The following ZNF570 variants were observed in gnomAD, a reference collection of about 807,000 sequenced individuals.
The protein encoded by ZNF570 is zinc finger protein 570.
Under a neutral mutation model 14.2 loss-of-function variants are expected in ZNF570, and 8 were observed. That is an observed-to-expected ratio of 0.56 (90% confidence interval 0.33 to 1.02). ZNF570 has a LOEUF of 1.02. Ranked by LOEUF, ZNF570 falls within the 50% of genes least tolerant of loss-of-function variation. The pLI is 0.03. For missense variants in ZNF570, 559 were observed against 624.9 expected (o/e 0.89, Z 1.12); for synonymous variants, 202 against 207.6 (o/e 0.97, Z 0.23).
At chr19:37,471,925 T>C (rs970425391) in intron 2 of ZNF570, among the ~76,000 whole-genome samples, 1 of 151,410 alleles carries the variant, frequency 6.6e-6, no homozygotes, top group African/African-American at 2.4e-5. Flanking sequence ...TTTTTTTTTT[T>C]TTTTTTTGAG....
At chr19:37,476,850 C>A (rs1334347730) in intron 4 of ZNF570, among the ~76,000 whole-genome samples, 1 of 151,770 alleles carries the variant, frequency 6.6e-6, no homozygotes, top group African/African-American at 2.4e-5. Flanking sequence ...GCTGGAATTA[C>A]AGGCACATGC....
Position 37,484,915 on chromosome 19 carries a change from G to T in ZNF570, c.1293G>T (p.Gln431His). ...TCAGCCAGATTGCCTACCTTGCTCAGCATCAAAGAGTTCATACTGGAGAGA... is the reference window on the plus strand; with the variant it reads ...TCAGCCAGATTGCCTACCTTGCTCATCATCAAAGAGTTCATACTGGAGAGA... The part of the protein sequence containing the change: ...KAFSQIAYLA[Q>H]HQRVHTGEKP... The change falls in exon 5 of 5, where the codon CAG becomes CAT. Residue 431 changes from glutamine to histidine, a missense_variant. Transcript: ENST00000330173. 1 of 1,612,584 alleles carries T rather than the reference G, an allele frequency of 6.2e-7. No homozygotes were observed. Among genetic ancestry groups the T allele is most frequent in the South Asian group, 1.1e-5 (1 of 90,984 alleles).
At chr19:37,475,624 G>T (rs555356947) in intron 2 of ZNF570, among the ~76,000 whole-genome samples, 1 of 152,178 alleles carries the variant, frequency 6.6e-6, no homozygotes, top group South Asian at 2.1e-4. Flanking sequence ...GTTGAGGAGG[G>T]TGAAGAACAG....
chr19:37,474,189 G>A (rs1283284837), intron 2 of ZNF570, among the ~76,000 whole-genome samples: 1 of 151,838 alleles, frequency 6.6e-6, no homozygotes, highest in Non-Finnish European at 1.5e-5. Flanking sequence ...ATTTGTTAGG[G>A]GTCAAATATT....
chr19:37,472,405 G>A (rs920792854), intron 2 of ZNF570, among the ~76,000 whole-genome samples: 13 of 151,972 alleles, frequency 8.6e-5, no homozygotes, highest in African/African-American at 3.1e-4. Context: ...GTGGGTGGAA[G>A]TAATAGAAAG....
In ZNF570 at chr19:37,469,484, G is replaced by A; in HGVS notation, c.-125G>A. The A allele has an allele frequency of 6.5e-7, 1 of 1,536,494 alleles. No individual in the cohort carries two copies. The highest frequency in any genetic ancestry group is 8.7e-7 in the Non-Finnish European group (1 of 1,146,916). ...ACCAGTTCTGTTCTGCAGGTCGGGAGTGGGCTGAGGAGTGGCGTGTGGGTC... is the reference window on the plus strand; with the variant it reads ...ACCAGTTCTGTTCTGCAGGTCGGGAATGGGCTGAGGAGTGGCGTGTGGGTC... On this transcript the variant is annotated 5_prime_UTR_variant, in exon 1 of 5. The change creates a new upstream start codon in the 5' untranslated region. Coordinates refer to ENST00000330173, the MANE Select transcript of ZNF570 (RefSeq NM_144694.5).
intron 4 of ZNF570, among the ~76,000 whole-genome samples, chr19:37,477,288 C>CGTGTGT (rs71177457): frequency 0.012 from 1,333 of 115,448 alleles, 28 homozygotes; most frequent in African/African-American, 0.028. Flanking sequence ...GGGAGGTTGT[C>CGTGTGT]GTGTGTGTGT....
At chr19:37,481,432 C>T (rs932095580) in intron 4 of ZNF570, among the ~76,000 whole-genome samples, 9 of 152,180 alleles carry the variant, frequency 5.9e-5, no homozygotes, top group South Asian at 4.1e-4. Context: ...GGATTACAGG[C>T]GTGAGCCATT....
At chr19:37,470,164 A>T (rs532912063) in intron 1 of ZNF570, 140 bp from the exon 2 acceptor site, 10 of 673,608 alleles carry the variant, frequency 1.5e-5, no homozygotes, top group East Asian at 1.1e-4. Flanking sequence ...GTATGCAAAC[A>T]AATTCCTAGG....
chr19:37,480,027 G>C (rs1945529765), intron 4 of ZNF570, among the ~76,000 whole-genome samples: 1 of 151,984 alleles, frequency 6.6e-6, no homozygotes. Flanking sequence ...TTTATAAATT[G>C]TGCCTTTTCA....
In ZNF570 at chr19:37,484,396, A is replaced by G. The variant is rs781258050; in HGVS notation, c.774A>G (p.Arg258=). The change falls in exon 5 of 5, where the codon AGA becomes AGG. Residue 258 remains arginine (R), a synonymous_variant. Transcript: ENST00000330173. ...AGTGTGGAAAAGCCTTCAGCCAGAG[A>G]TCAAATCTTGTTCAACATCAGAGGA... ...CIECGKAFSQ[R]SNLVQHQRIH... The G allele has an allele frequency of 3.7e-6, 6 of 1,613,794 alleles. No individual in the cohort carries two copies. The African/African-American group carries it at 4.0e-5, about 11-fold the overall frequency.
chr19:37,470,717 T>G (rs1368626364), intron 2 of ZNF570, among the ~76,000 whole-genome samples: 1 of 147,960 alleles, frequency 6.8e-6, no homozygotes, highest in Non-Finnish European at 1.5e-5. Context: ...TTTTTTTTTT[T>G]TTGAGACAGA....
At position 37,485,401 on chromosome 19, in the gene ZNF570, C is replaced by A; in HGVS notation, c.*168C>A. On this transcript the variant is annotated 3_prime_UTR_variant, in exon 5 of 5. Coordinates refer to ENST00000330173, the MANE Select transcript of ZNF570 (RefSeq NM_144694.5). Reference sequence around the variant, plus strand: ...TTTCCCACAATGCACTCAAACGGATCTTTTTTTTCTTTTTTTTTCTTTTTG... The same window carrying A: ...TTTCCCACAATGCACTCAAACGGATATTTTTTTTCTTTTTTTTTCTTTTTG... 1 of 612,166 alleles carries A rather than the reference C, an allele frequency of 1.6e-6. No individual in the cohort carries two copies. The highest frequency in any genetic ancestry group is 3.7e-5 in the South Asian group (1 of 26,870). 37.9% of individuals were successfully genotyped at this position (612,166 alleles called of 1,614,324 possible).
At chr19:37,474,045 G>A (rs1160641577) in intron 2 of ZNF570, among the ~76,000 whole-genome samples, 3 of 152,202 alleles carry the variant, frequency 2.0e-5, no homozygotes, top group Non-Finnish European at 4.4e-5. Context: ...CAGTGATAGG[G>A]CATCAGGGGA....
upstream of ZNF570, chr19:37,467,915 G>T (rs778963743): frequency 2.0e-6 from 3 of 1,535,954 alleles, no homozygotes; most frequent in South Asian, 3.6e-5. Flanking sequence ...GTTCTTTCTG[G>T]ACTTCTCGAT....
At chr19:37,482,855 C>T (rs545759177) in intron 4 of ZNF570, among the ~76,000 whole-genome samples, 1 of 151,382 alleles carries the variant, frequency 6.6e-6, no homozygotes, top group East Asian at 2.0e-4. Flanking sequence ...CTTTCTCTCT[C>T]TCTCTCTCCC....
intron 2 of ZNF570, among the ~76,000 whole-genome samples, chr19:37,474,548 C>T (rs928656407): frequency 1.2e-4 from 18 of 152,162 alleles, no homozygotes; most frequent in Non-Finnish European, 2.4e-4. Context: ...CAACCTCTGC[C>T]TCCCGGATTC....
rs764982321 is a variant in ZNF570, at chr19:37,484,004, G to C, written c.382G>C (p.Glu128Gln). 1 of 1,614,032 alleles carries C rather than the reference G, an allele frequency of 6.2e-7. No homozygotes were observed. The highest frequency in any genetic ancestry group is 1.1e-5 in the South Asian group (1 of 91,078). ...CCTTGAATACTCCAGTTTGAGAGAA[G>C]AGTGGAAATGTGAGGGCTATTTTGA... ...YNLEYSSLRE[E>Q]WKCEGYFERQ... is the part of the protein sequence containing the mutation. The change falls in exon 5 of 5, where the codon GAG becomes CAG. Residue 128 changes from glutamate (E) to glutamine (Q), a missense_variant. Glu to Gln is a conservative substitution (Grantham distance 29). Transcript: ENST00000330173.
Position 37,484,071 on chromosome 19 carries a change from TAATC to T in ZNF570, c.451_454del (p.Ile151LeufsTer31). The stretch of plus-strand genomic sequence containing the variant: ...CAGAAGGCGTGTTTCAAGGAAGAGA[TAATC>T]ACTCATGAAGAACCCCTTTTTGATG... On this transcript the variant is annotated frameshift_variant, in exon 5 of 5. Coordinates refer to ENST00000330173, the MANE Select transcript of ZNF570 (RefSeq NM_144694.5). LOFTEE classifies it low-confidence loss of function (END_TRUNC). 6.2e-7 allele frequency: 1 copy of T among 1,614,102 alleles called. No homozygotes were observed. The highest frequency in any genetic ancestry group is 8.5e-7 in the Non-Finnish European group (1 of 1,180,002).
Sources: allele counts gnomAD v4.1 joint callset (sites outside exome capture counted in the v4.1 genomes callset), GRCh38; gene constraint gnomAD v4.1.1; transcripts MANE v1.5; gene names NCBI Gene and HGNC (gene_info 2026-07-23, HGNC 2026-07-21).